Variants in STK3 observed in about 807,000 individuals in gnomAD.
STK3 encodes serine/threonine kinase 3.
STK3 carries 41 observed loss-of-function variants against 58.0 expected under a neutral mutation model. The observed-to-expected ratio is 0.71, with a 90% CI of 0.55 to 0.92. The LOEUF is 0.92. STK3 is among the 40% of genes least tolerant of loss of function. The probability of loss-of-function intolerance (pLI) is 0.00; values close to 1 mark genes in which losing one functional copy is unlikely to be tolerated. For missense variants in STK3, 479 were observed against 602.7 expected, an observed-to-expected ratio of 0.79 and a Z score of 2.15; for synonymous variants, 170 against 191.0, an observed-to-expected ratio of 0.89 and a Z score of 0.91.
chr8:98,773,355 T>C (rs1230256731), intron 2 of STK3, among the ~76,000 whole-genome samples: 1 of 152,210 alleles, frequency 6.6e-6, no homozygotes, highest in African/African-American at 2.4e-5. Context: ...ACCTAATATA[T>C]CTCTTTATTT....
In STK3 at chr8:98,832,252, A is replaced by AT. The variant is rs1291608912; in HGVS notation, c.110+51394_110+51395insA. 6.1e-5 allele frequency among the ~76,000 whole-genome samples: 8 copies of AT among 130,584 alleles called. 1 individual carries two copies. Among genetic ancestry groups the AT allele is most frequent in the African/African-American group, 1.3e-4 (5 of 37,396 alleles). The allele number at this position is 130,584 out of a possible 152,430, so 85.7% of individuals were successfully genotyped here. On this transcript the variant is annotated intron_variant, in intron 3 of 12. Coordinates refer to the STK3 transcript ENST00000523601. ...TAGTGCCTCCTTTTCGTGAAAAAAA[A>AT]AAAATATATATATATATATAGATAT...
chr8:98,769,372 G>A (rs1831150611), intron 2 of STK3, among the ~76,000 whole-genome samples: 1 of 152,118 alleles, frequency 6.6e-6, no homozygotes, highest in Non-Finnish European at 1.5e-5. Flanking sequence ...GATAGTGAAT[G>A]GGTCTCACAA....
intron 10 of STK3, among the ~76,000 whole-genome samples, chr8:98,510,794 C>T (rs191763853): frequency 6.6e-6 from 1 of 152,084 alleles, no homozygotes; most frequent in African/African-American, 2.4e-5. Flanking sequence ...CTGTGTTAGA[C>T]CTTAAAGCCT....
intron 1 of STK3, among the ~76,000 whole-genome samples, chr8:98,805,700 T>C (rs1833852105): frequency 6.6e-6 from 1 of 152,194 alleles, no homozygotes; most frequent in Non-Finnish European, 1.5e-5. Context: ...TCAAATTTTG[T>C]GTTGGAAAAT....
intron 6 of STK3, among the ~76,000 whole-genome samples, chr8:98,685,758 T>G (rs1823941875): frequency 6.7e-6 from 1 of 149,380 alleles, no homozygotes; most frequent in Admixed American, 6.7e-5. Flanking sequence ...GGCAAAAAAA[T>G]AGGGAAGAGA....
intron 7 of STK3, among the ~76,000 whole-genome samples, chr8:98,594,701 G>T (rs1470863579): frequency 1.3e-5 from 2 of 151,990 alleles, no homozygotes; most frequent in Non-Finnish European, 2.9e-5. Flanking sequence ...CAAAATAAAT[G>T]TTTTAATCAA....
chr8:98,774,655 AC>A, intron 2 of STK3, 83 bp downstream of exon 2: 1 of 929,666 alleles, frequency 1.1e-6, no homozygotes, highest in Non-Finnish European at 1.6e-6. Flanking sequence ...ATACGAATAT[AC>A]TCTAGTTGAA....
At chr8:98,385,578 G>A (rs1376306881) in intron 1 of STK3, among the ~76,000 whole-genome samples, 1 of 152,102 alleles carries the variant, frequency 6.6e-6, no homozygotes, top group East Asian at 1.9e-4. Flanking sequence ...GTCTCAGCTG[G>A]TGCCTGAATG....
intron 1 of STK3, among the ~76,000 whole-genome samples, chr8:98,887,541 C>T (rs1838037185): frequency 6.6e-6 from 1 of 152,110 alleles, no homozygotes; most frequent in Admixed American, 6.5e-5. Flanking sequence ...AGTAAAACAA[C>T]ATTCAGCATA....
At chr8:98,816,293 C>T (rs1021429360) in intron 1 of STK3, among the ~76,000 whole-genome samples, 3 of 152,192 alleles carry the variant, frequency 2.0e-5, no homozygotes, top group Non-Finnish European at 2.9e-5. Flanking sequence ...AAGGCAAGAC[C>T]ACTTGAGCCC....
At chr8:98,436,963 C>G (rs541496473) in intron 2 of STK3, 1 of 152,284 alleles carries the variant, frequency 6.6e-6, no homozygotes, top group South Asian at 2.1e-4. Context: ...GCTCTCACCC[C>G]GCTTCTGTCC....
At chr8:98,604,428 G>A (rs1364604024) in intron 6 of STK3, among the ~76,000 whole-genome samples, 1 of 152,174 alleles carries the variant, frequency 6.6e-6, no homozygotes, top group Non-Finnish European at 1.5e-5. Context: ...GGTTTTCCAA[G>A]TGCATAGTGC....
intron 6 of STK3, among the ~76,000 whole-genome samples, chr8:98,620,688 G>C (rs1320392964): frequency 6.6e-6 from 1 of 151,114 alleles, no homozygotes; most frequent in Non-Finnish European, 1.5e-5. Flanking sequence ...ATAATAAAGA[G>C]TAGAAATCAA....
At chr8:98,906,029 G>A (rs566286549) in intron 1 of STK3, among the ~76,000 whole-genome samples, 5 of 152,250 alleles carry the variant, frequency 3.3e-5, no homozygotes, top group South Asian at 2.1e-4. Flanking sequence ...TGTGGGCTAC[G>A]GTCTGTTTAC....
intron 1 of STK3, among the ~76,000 whole-genome samples, chr8:98,887,782 G>T (rs1838045647): frequency 6.6e-6 from 1 of 152,180 alleles, no homozygotes; most frequent in African/African-American, 2.4e-5. Flanking sequence ...CAGTCAGCAG[G>T]GATGACTCCA....
At chr8:98,364,536 C>T in the STK3 span, among the ~76,000 whole-genome samples, 1 of 152,240 alleles carries the variant, frequency 6.6e-6, no homozygotes, top group Admixed American at 6.5e-5. Context: ...GACCTCTGTC[C>T]AAGGGCAGCA....
chr8:98,722,941 C>A, intron 4 of STK3: 1 of 490,542 alleles, frequency 2.0e-6, no homozygotes, highest in African/African-American at 2.0e-5. Flanking sequence ...ACAGCTAGCA[C>A]TTCCTTCAGT....
At chr8:98,502,133 T>C (rs150127120) in intron 10 of STK3, among the ~76,000 whole-genome samples, 4,562 of 152,290 alleles carry the variant, frequency 0.03, 104 homozygotes, top group South Asian at 0.061. Context: ...CCCTTGTAAG[T>C]TGGATTCCTA....
intron 6 of STK3, 109 bp from the exon 7 acceptor site, chr8:98,596,278 T>G: frequency 7.5e-7 from 1 of 1,333,512 alleles, no homozygotes; most frequent in Non-Finnish European, 1.0e-6. Context: ...AAAAACAAAT[T>G]TAAGCTGTTC....
Sources: allele counts gnomAD v4.1 joint callset (sites outside exome capture counted in the v4.1 genomes callset), GRCh38; gene constraint gnomAD v4.1.1; transcripts MANE v1.5; gene names NCBI Gene and HGNC (gene_info 2026-07-23, HGNC 2026-07-21).